Variants in STK32B observed in about 807,000 individuals in gnomAD.
STK32B encodes the protein serine/threonine kinase 32B, also known as serine/threonine-protein kinase 32B.
A neutral mutation model predicts 52.6 loss-of-function variants in STK32B; 43 were observed. That is an observed-to-expected ratio of 0.82 (90% CI 0.64 to 1.05). The LOEUF is 1.05. STK32B is among the 50% of genes least tolerant of loss of function. STK32B has a pLI of 0.00. For missense variants in STK32B, 621 were observed against 534.6 expected (o/e 1.16, Z -1.59); for synonymous variants, 238 against 204.3 (o/e 1.17, Z -1.41).
chr4:5,081,402 A>G (rs963751988), intron 1 of STK32B, among the ~76,000 whole-genome samples: 9 of 152,132 alleles, frequency 5.9e-5, no homozygotes, highest in African/African-American at 1.9e-4. Context: ...GGATGTCCGT[A>G]TATCTCCGCA....
intron 1 of STK32B, among the ~76,000 whole-genome samples, chr4:5,115,494 A>G (rs1338139397): frequency 6.6e-6 from 1 of 152,174 alleles, no homozygotes; most frequent in African/African-American, 2.4e-5. Context: ...CAAAGGAGAA[A>G]AGCAAAGACA....
rs548998915 is a variant in STK32B, at chr4:5,399,703, C to T, written c.472+1459C>T. 3.3e-4 allele frequency among the ~76,000 whole-genome samples: 51 copies of T among 152,312 alleles called. No homozygotes were observed. Among genetic ancestry groups the T allele is most frequent in the Non-Finnish European group, 6.3e-4 (43 of 68,038 alleles). ...GTCCTTGGGCCAGTGGCTGTACCTC[C>T]GTGTCTCAGCCTTCCCAGCAGCGAT... On this transcript the variant is annotated intron_variant, in intron 5 of 11. Transcript: ENST00000282908. The surrounding 1 kb of genome is among the most constrained non-coding windows in gnomAD (Gnocchi z 5.4).
chr4:5,494,748 G>A (rs1033169120), intron 11 of STK32B, among the ~76,000 whole-genome samples: 6 of 152,190 alleles, frequency 3.9e-5, no homozygotes, highest in African/African-American at 1.4e-4. Flanking sequence ...GCTTGCTTCA[G>A]GAGCTCTTTT....
At chr4:5,098,817 G>A (rs894140680) in intron 1 of STK32B, among the ~76,000 whole-genome samples, 3 of 152,210 alleles carry the variant, frequency 2.0e-5, no homozygotes, top group African/African-American at 7.2e-5. Context: ...ATATAACACA[G>A]CCTTGTCCTG....
intron 3 of STK32B, among the ~76,000 whole-genome samples, chr4:5,244,579 A>G (rs929451076): frequency 2.0e-5 from 3 of 152,072 alleles, no homozygotes; most frequent in African/African-American, 7.2e-5. Context: ...TGTTTCCTTC[A>G]GTTCTGCTCT....
Position 5,187,295 on chromosome 4 carries a change from G to A in STK32B, c.260+18845G>A, listed in dbSNP as rs554525791. Among the ~76,000 whole-genome samples the A allele has an allele frequency of 2.6e-5, 4 of 152,282 alleles. No homozygotes were observed. In the South Asian group the frequency reaches 8.3e-4, roughly 32 times the overall value. ...GCTTTCCCAAGGGTCTTCTGAACCA[G>A]GACTCTCTTGGTCCATGGGGAATTA... is the stretch of plus-strand genomic sequence containing the variant. On this transcript the variant is annotated intron_variant, in intron 3 of 11. Transcript: ENST00000282908.
At chr4:5,229,711 A>T (rs1724122047) in intron 3 of STK32B, among the ~76,000 whole-genome samples, 1 of 152,174 alleles carries the variant, frequency 6.6e-6, no homozygotes, top group South Asian at 2.1e-4. Context: ...GGTTTTAGGC[A>T]AATTTAAAAT....
chr4:5,355,411 A>G (rs1219881042), intron 4 of STK32B, among the ~76,000 whole-genome samples: 3 of 152,076 alleles, frequency 2.0e-5, no homozygotes, highest in Non-Finnish European at 4.4e-5. Context: ...TTCCAAGTTC[A>G]TATGTTTTCT....
the STK32B span, among the ~76,000 whole-genome samples, chr4:5,039,100 C>T: frequency 6.6e-6 from 1 of 151,368 alleles, no homozygotes; most frequent in Non-Finnish European, 1.5e-5. Context: ...AATCTTCCCA[C>T]TTCAGCCTTC....
chr4:5,148,407 G>A (rs1403052212), intron 2 of STK32B, among the ~76,000 whole-genome samples: 1 of 151,686 alleles, frequency 6.6e-6, no homozygotes, highest in Non-Finnish European at 1.5e-5. Flanking sequence ...GACTGCTTAA[G>A]TTACACCCCC....
Position 5,263,914 on chromosome 4 carries a change from A to G in STK32B, c.261-67306A>G, listed in dbSNP as rs575842380. On this transcript the variant is annotated intron_variant, in intron 3 of 11. Coordinates refer to ENST00000282908, the MANE Select transcript of STK32B (RefSeq NM_018401.3). Reference sequence around the variant, plus strand: ...GGTTTTGCCTATTCCAGAATTTTGTATGAATGAAAATATTGTGCCTGGCTT... The same window carrying G: ...GGTTTTGCCTATTCCAGAATTTTGTGTGAATGAAAATATTGTGCCTGGCTT... 2.6e-3 allele frequency among the ~76,000 whole-genome samples: 391 copies of G among 152,332 alleles called. 1 individual carries two copies. The highest frequency in any genetic ancestry group is 4.7e-3 in the Non-Finnish European group (323 of 68,028).
At chr4:5,309,101 C>CA (rs1730118627) in intron 3 of STK32B, among the ~76,000 whole-genome samples, 1 of 151,808 alleles carries the variant, frequency 6.6e-6, no homozygotes, top group Non-Finnish European at 1.5e-5. Flanking sequence ...TATACACCAA[C>CA]AAAAAACTAG....
intron 6 of STK32B, among the ~76,000 whole-genome samples, chr4:5,424,197 G>A (rs1379684585): frequency 1.3e-5 from 2 of 152,182 alleles, no homozygotes; most frequent in Non-Finnish European, 2.9e-5. Context: ...GCACCAACAA[G>A]CATGAGAGAG....
chr4:5,419,583 T>C lies in STK32B; in HGVS notation c.562+2649T>C, dbSNP rs559991551. Reference sequence around the variant, plus strand: ...TCCCAGTGAATACCTGCTGAGTATTTTGGAGTTCTTTGTTTTCTGGTCCAT... The same window carrying C: ...TCCCAGTGAATACCTGCTGAGTATTCTGGAGTTCTTTGTTTTCTGGTCCAT... On this transcript the variant is annotated intron_variant, in intron 6 of 11. Coordinates refer to ENST00000282908, the MANE Select transcript of STK32B (RefSeq NM_018401.3). 3.0e-3 allele frequency among the ~76,000 whole-genome samples: 462 copies of C among 152,358 alleles called. 2 individuals are homozygous for C. Among genetic ancestry groups the C allele is most frequent in the African/African-American group, 0.01 (430 of 41,584 alleles).
intron 6 of STK32B, 78 bp downstream of exon 6, chr4:5,417,012 GC>G (rs1418876297): frequency 7.7e-7 from 1 of 1,303,636 alleles, no homozygotes; most frequent in African/African-American, 1.5e-5. Flanking sequence ...TGTTTCATCT[GC>G]CACTGCCCGC....
At chr4:5,376,670 C>G (rs1735609391) in intron 4 of STK32B, among the ~76,000 whole-genome samples, 1 of 152,162 alleles carries the variant, frequency 6.6e-6, no homozygotes, top group Non-Finnish European at 1.5e-5. Flanking sequence ...CTGGAGGGAG[C>G]AGAGGACCCC....
intron 7 of STK32B, among the ~76,000 whole-genome samples, chr4:5,454,054 A>G (rs1577530196): frequency 6.6e-6 from 1 of 152,142 alleles, no homozygotes; most frequent in African/African-American, 2.4e-5. Flanking sequence ...TTCCCTCCCC[A>G]GCACTCATTC....
intron 1 of STK32B, among the ~76,000 whole-genome samples, chr4:5,113,974 G>A (rs535135290): frequency 8.5e-5 from 13 of 152,106 alleles, no homozygotes; most frequent in African/African-American, 2.7e-4. Flanking sequence ...ACTATCACGA[G>A]AATAGCATGA....
chr4:5,461,064 G>A (rs551994480), intron 9 of STK32B, among the ~76,000 whole-genome samples: 1 of 152,278 alleles, frequency 6.6e-6, no homozygotes, highest in East Asian at 1.9e-4. Flanking sequence ...GTCCCTTCCT[G>A]TTGAGCAGTT....
Sources: gnomAD v4.1 joint callset for allele counts (sites outside exome capture counted in the v4.1 genomes callset) on GRCh38, gnomAD v4.1.1 for gene constraint, Gnocchi (gnomAD v3.1) non-coding constraint, MANE v1.5 for transcripts, NCBI Gene and HGNC (gene_info 2026-07-23, HGNC 2026-07-21) for gene names.